Variants in DPYSL5 observed in about 807,000 individuals in gnomAD.
DPYSL5 encodes the protein dihydropyrimidinase like 5.
A neutral mutation model predicts 58.4 loss-of-function variants in DPYSL5; 9 were observed. The observed-to-expected ratio is 0.15, with a 90% CI of 0.09 to 0.27. DPYSL5 has a LOEUF of 0.27. Ranked by LOEUF, DPYSL5 falls within the 10% of genes least tolerant of loss-of-function variation. The probability of loss-of-function intolerance (pLI) is 1.00; values close to 1 mark genes in which losing one functional copy is unlikely to be tolerated. For synonymous variants in DPYSL5, 293 were observed against 301.9 expected (o/e 0.97, Z 0.31); for missense variants, 499 against 770.6 (o/e 0.65, Z 4.17).
At position 26,907,255 on chromosome 2, in the gene DPYSL5, C is replaced by A. The variant is rs1265015219; in HGVS notation, c.261+8495C>A. Among the ~76,000 whole-genome samples, 6 of 152,190 alleles carry A rather than the reference C, an allele frequency of 3.9e-5. No individual in the cohort carries two copies. The South Asian group carries it at 1.2e-3, about 32-fold the overall frequency. ...TCAGCCTCCCAAGTAACTGGGAATA[C>A]AGGCGCCCGCCACCATGCCCAGCTA... On this transcript the variant is annotated intron_variant, in intron 2 of 12. Coordinates refer to ENST00000288699, the MANE Select transcript of DPYSL5 (RefSeq NM_020134.4).
At chr2:26,870,134 C>A (rs1024097069) in intron 1 of DPYSL5, among the ~76,000 whole-genome samples, 10 of 152,230 alleles carry the variant, frequency 6.6e-5, no homozygotes, top group African/African-American at 2.4e-4. Context: ...TCAGGGGAGG[C>A]ATCCATGTTC....
At position 26,947,269 on chromosome 2, in the gene DPYSL5, A is replaced by G; in HGVS notation, c.*274A>G. 2.4e-6 allele frequency: 1 copy of G among 420,858 alleles called. No individual in the cohort carries two copies. Among genetic ancestry groups the G allele is most frequent in the Non-Finnish European group, 4.4e-6 (1 of 226,046 alleles). The allele number at this position is 420,858 out of a possible 1,614,324, so 26.1% of individuals were successfully genotyped here. On this transcript the variant is annotated 3_prime_UTR_variant, in exon 13 of 13. Coordinates refer to ENST00000288699, the MANE Select transcript of DPYSL5 (RefSeq NM_020134.4). The surrounding 1 kb of genome is among the most constrained non-coding windows in gnomAD (Gnocchi z 4.2). ...GGCCCAGGAAGCCCACACTATGCAC[A>G]GAGCCCAATGCATAGAGCCCTGGCC... is the stretch of plus-strand genomic sequence containing the variant.
chr2:26,944,441 C>T lies in DPYSL5; in HGVS notation c.1441-215C>T, dbSNP rs1665413473. Among the ~76,000 whole-genome samples the T allele has an allele frequency of 6.6e-6, 1 of 152,174 alleles. No individual in the cohort carries two copies. Among genetic ancestry groups the T allele is most frequent in the Non-Finnish European group, 1.5e-5 (1 of 68,038 alleles). The stretch of plus-strand genomic sequence containing the variant: ...GCACTCACATACATGCACGCATGCA[C>T]ACATGTACACATATGCACATGCTCT... On this transcript the variant is annotated intron_variant, in intron 11 of 12. Transcript: ENST00000288699. This position sits in a 1 kb window ranked among gnomAD's most constrained non-coding sequence, Gnocchi z 4.4.
intron 6 of DPYSL5, 35 bp downstream of exon 6, chr2:26,931,719 C>T (rs774785657): frequency 6.2e-6 from 10 of 1,611,864 alleles, no homozygotes; most frequent in Middle Eastern, 3.5e-4. Flanking sequence ...GGATTAGAAA[C>T]CAACCTTGGC....
rs1392940572 is a variant in DPYSL5 at position 26,925,027 on chromosome 2, C to G, written c.402C>G (p.Ile134Met). 6.2e-7 allele frequency: 1 copy of G among 1,614,056 alleles called. No individual in the cohort carries two copies. Among genetic ancestry groups the G allele is most frequent in the Admixed American group, 1.7e-5 (1 of 60,024 alleles). The change falls in exon 3 of 13, where the codon ATC (isoleucine) becomes ATG (methionine). Residue 134 changes from isoleucine (I) to methionine (M), a missense_variant. Ile to Met is a conservative substitution (Grantham distance 10, BLOSUM62 1). Around this residue, in one of 3 missense-constraint regions of DPYSL5, gnomAD observed 404 missense variants for 647.6 expected, o/e 0.62. Coordinates refer to ENST00000288699, the MANE Select transcript of DPYSL5 (RefSeq NM_020134.4). The surrounding 1 kb of genome is among the most constrained non-coding windows in gnomAD (Gnocchi z 4.5). ...VCCDYALHVG[I>M]TWWAPKVKAE... The stretch of plus-strand genomic sequence containing the variant: ...GTGATTACGCCCTCCACGTGGGGAT[C>G]ACCTGGTGGGCACCCAAGGTAACAG...
At chr2:26,940,195 C>T (rs1665279972) in intron 9 of DPYSL5, 23 bp downstream of exon 9, 1 of 1,611,552 alleles carries the variant, frequency 6.2e-7, no homozygotes, top group Non-Finnish European at 8.5e-7. Flanking sequence ...GAGCCCCGCC[C>T]CGATCTGATC....
chr2:26,940,414 A>C (rs1016304581), intron 9 of DPYSL5, among the ~76,000 whole-genome samples: 1 of 151,998 alleles, frequency 6.6e-6, no homozygotes, highest in Non-Finnish European at 1.5e-5. Context: ...ATAAGAAAAA[A>C]AGAAACCTTA....
intron 6 of DPYSL5, among the ~76,000 whole-genome samples, chr2:26,931,938 G>T (rs1665000048): frequency 6.7e-6 from 1 of 149,312 alleles, no homozygotes; most frequent in South Asian, 2.1e-4. Flanking sequence ...AACCCAGGAG[G>T]CGGAGGTTGC....
At chr2:26,916,998 T>C (rs989245351) in intron 2 of DPYSL5, among the ~76,000 whole-genome samples, 1 of 152,262 alleles carries the variant, frequency 6.6e-6, no homozygotes, top group Admixed American at 6.5e-5. Flanking sequence ...GCTCCTACTA[T>C]GTGCAGGCAC....
chr2:26,931,026 C>A (rs886488790), intron 5 of DPYSL5, among the ~76,000 whole-genome samples: 1 of 149,110 alleles, frequency 6.7e-6, no homozygotes, highest in Non-Finnish European at 1.5e-5. Flanking sequence ...GTAGTCCCAG[C>A]TGCTCAGGAG....
intron 8 of DPYSL5, 197 bp from the exon 9 acceptor site, chr2:26,939,834 C>T (rs1558355197): frequency 1.6e-6 from 1 of 622,694 alleles, no homozygotes; most frequent in East Asian, 2.9e-5. Flanking sequence ...CTGTGCCACA[C>T]TCATTCTGTA....
At position 26,925,490 on chromosome 2, in the gene DPYSL5, A is replaced by G. The variant is rs1014670924; in HGVS notation, c.420+445A>G. ...CGAACTGAGGCTCCCATCCTGCCTC[A>G]GTACTGTCTGGAATGAAAGGAATGT... On this transcript the variant is annotated intron_variant, in intron 3 of 12. Coordinates refer to ENST00000288699, the MANE Select transcript of DPYSL5 (RefSeq NM_020134.4). This position sits in a 1 kb window ranked among gnomAD's most constrained non-coding sequence, Gnocchi z 4.5. Among the ~76,000 whole-genome samples the G allele has an allele frequency of 2.0e-5, 3 of 152,208 alleles. No individual in the cohort carries two copies. Among genetic ancestry groups the G allele is most frequent in the Non-Finnish European group, 2.9e-5 (2 of 68,034 alleles).
chr2:26,885,079 A>G (rs1450297090), intron 1 of DPYSL5, among the ~76,000 whole-genome samples: 1 of 152,050 alleles, frequency 6.6e-6, no homozygotes, highest in Non-Finnish European at 1.5e-5. Flanking sequence ...GGTACCTGTA[A>G]TCCCAGCTAC....
intron 2 of DPYSL5, among the ~76,000 whole-genome samples, chr2:26,910,982 T>A (rs984603648): frequency 1.3e-5 from 2 of 152,092 alleles, no homozygotes; most frequent in Non-Finnish European, 2.9e-5. Flanking sequence ...TTTTCCCCTA[T>A]GTTTTCTTTT....
intron 2 of DPYSL5, among the ~76,000 whole-genome samples, chr2:26,911,853 G>A (rs192654808): frequency 3.7e-4 from 57 of 152,272 alleles, no homozygotes; most frequent in African/African-American, 1.3e-3. Context: ...CACACTCCAG[G>A]ACTTAGGTTT....
At chr2:26,873,206 A>G (rs1210628665) in intron 1 of DPYSL5, among the ~76,000 whole-genome samples, 2 of 151,280 alleles carry the variant, frequency 1.3e-5, no homozygotes, top group Admixed American at 6.6e-5. Context: ...TATACAATAA[A>G]CACAACAATT....
intron 2 of DPYSL5, among the ~76,000 whole-genome samples, chr2:26,917,132 A>C (rs1664583494): frequency 6.6e-6 from 1 of 152,212 alleles, no homozygotes; most frequent in Non-Finnish European, 1.5e-5. Flanking sequence ...AACTTGCTGA[A>C]GATCTTACAA....
intron 1 of DPYSL5, among the ~76,000 whole-genome samples, chr2:26,864,312 G>C (rs1403488341): frequency 3.3e-5 from 5 of 152,188 alleles, no homozygotes; most frequent in African/African-American, 9.7e-5. Flanking sequence ...GAAGAAAGAA[G>C]TGCCTTACTC....
At chr2:26,909,480 G>A (rs1664377372) in intron 2 of DPYSL5, among the ~76,000 whole-genome samples, 1 of 152,032 alleles carries the variant, frequency 6.6e-6, no homozygotes, top group Admixed American at 6.6e-5. Context: ...TAAACAAGGC[G>A]GGGCTCAGTG....
Sources: allele counts gnomAD v4.1 joint callset (sites outside exome capture counted in the v4.1 genomes callset), GRCh38; gene constraint gnomAD v4.1.1; regional missense constraint gnomAD v4.1.1; non-coding constraint Gnocchi (gnomAD v3.1); transcripts MANE v1.5; gene names NCBI Gene and HGNC (gene_info 2026-07-23, HGNC 2026-07-21).